Variants in TCERG1L observed in about 807,000 individuals in gnomAD.
TCERG1L encodes the protein transcription elongation regulator 1-like protein.
Under a neutral mutation model 56.3 loss-of-function variants are expected in TCERG1L, and 37 were observed. The ratio of observed to expected loss-of-function variants is 0.66; its 90% CI spans 0.51 to 0.87. The LOEUF is 0.87. TCERG1L is among the 40% of genes least tolerant of loss of function. TCERG1L has a pLI of 0.00. For missense variants in TCERG1L, 799 were observed against 774.2 expected (o/e 1.03, Z -0.38); for synonymous variants, 324 against 326.3 (o/e 0.99, Z 0.08).
rs1484048428 is a variant in TCERG1L, at chr10:131,163,224, G to A, written c.946-14C>T. On this transcript the variant is annotated splice_polypyrimidine_tract_variant and intron_variant, in intron 5 of 11. Transcript: ENST00000368642. ...CGGTGGAGGCTCCTTTCAACAGAAA[G>A]AGACAGGGGAGTGGCTTTTAATTTT... The A allele has an allele frequency of 4.7e-6, 7 of 1,504,880 alleles. No individual in the cohort carries two copies. The highest frequency in any genetic ancestry group is 4.4e-6 in the Non-Finnish European group (5 of 1,129,520). The allele number at this position is 1,504,880 out of a possible 1,614,324, so 93.2% of individuals were successfully genotyped here.
chr10:131,285,835 T>G (rs1414357276), intron 3 of TCERG1L, among the ~76,000 whole-genome samples: 1 of 152,136 alleles, frequency 6.6e-6, no homozygotes, highest in Non-Finnish European at 1.5e-5. Flanking sequence ...AATTCATCCC[T>G]AAAATATTAT....
intron 4 of TCERG1L, among the ~76,000 whole-genome samples, chr10:131,206,461 G>A (rs929936950): frequency 1.3e-5 from 2 of 152,184 alleles, no homozygotes; most frequent in Admixed American, 1.3e-4. Context: ...TCAAAGGAAG[G>A]GGCACGAGGA....
At chr10:131,136,025 C>T (rs1222838957) in intron 7 of TCERG1L, among the ~76,000 whole-genome samples, 1 of 152,202 alleles carries the variant, frequency 6.6e-6, no homozygotes, top group African/African-American at 2.4e-5. Flanking sequence ...AGGCGTCTCT[C>T]AGCCTCCTTG....
At chr10:131,197,614 T>C (rs1845380532) in intron 4 of TCERG1L, among the ~76,000 whole-genome samples, 1 of 152,146 alleles carries the variant, frequency 6.6e-6, no homozygotes, top group African/African-American at 2.4e-5. Context: ...AATTTTTCAT[T>C]ATATCCCAGT....
Position 131,260,718 on chromosome 10 carries a change from C to A in TCERG1L, c.671-274G>T, listed in dbSNP as rs538375903. 1.3e-5 allele frequency among the ~76,000 whole-genome samples: 2 copies of A among 152,302 alleles called. No homozygotes were observed. Among genetic ancestry groups the A allele is most frequent in the South Asian group, 2.1e-4 (1 of 4,820 alleles). On this transcript the variant is annotated intron_variant, in intron 3 of 11. Transcript: ENST00000368642. The surrounding 1 kb of genome is among the most constrained non-coding windows in gnomAD (Gnocchi z 5.8). ...GGCTTACAGTCACCAGGGGACGAGC[C>A]AGGACCCGGGTGCCTTAAAGAGAAA...
At chr10:131,111,080 G>A (rs1272480629) in intron 9 of TCERG1L, among the ~76,000 whole-genome samples, 1 of 143,688 alleles carries the variant, frequency 7.0e-6, no homozygotes, top group Non-Finnish European at 1.6e-5. Flanking sequence ...GGCACCTGCC[G>A]AGTCCTGAAC....
intron 4 of TCERG1L, among the ~76,000 whole-genome samples, chr10:131,215,707 T>C (rs1845663302): frequency 6.6e-6 from 1 of 152,182 alleles, no homozygotes; most frequent in South Asian, 2.1e-4. Flanking sequence ...GTCAGCCCTC[T>C]GGAGCTTTAG....
intron 4 of TCERG1L, among the ~76,000 whole-genome samples, chr10:131,204,866 A>G (rs986317801): frequency 1.3e-5 from 2 of 152,174 alleles, no homozygotes; most frequent in African/African-American, 4.8e-5. Flanking sequence ...GGGATCCTTG[A>G]TGGAGGTTCA....
At chr10:131,237,825 C>T (rs1232191196) in intron 4 of TCERG1L, among the ~76,000 whole-genome samples, 5 of 152,188 alleles carry the variant, frequency 3.3e-5, no homozygotes, top group African/African-American at 4.8e-5. Flanking sequence ...CCCGGTAACA[C>T]CTAATGGGTT....
In TCERG1L at chr10:131,277,030, G is replaced by A. The variant is rs373836243; in HGVS notation, c.671-16586C>T. ...ATGTCAATATGACATAGCAAGACGC[G>A]ATCATGCCTGTCCTTGCAGAACTGC... On this transcript the variant is annotated intron_variant, in intron 3 of 11. Coordinates refer to ENST00000368642, the MANE Select transcript of TCERG1L (RefSeq NM_174937.4). Among the ~76,000 whole-genome samples, 126 of 152,312 alleles carry A rather than the reference G, an allele frequency of 8.3e-4. No homozygotes were observed. In the East Asian group the frequency reaches 8.9e-3, roughly 11 times the overall value.
intron 6 of TCERG1L, among the ~76,000 whole-genome samples, chr10:131,148,862 CCT>C (rs1319999557): frequency 6.6e-6 from 1 of 152,200 alleles, no homozygotes; most frequent in East Asian, 1.9e-4. Flanking sequence ...TCGCTGGAGC[CCT>C]GAGTCTGTGG....
At chr10:131,179,124 C>A (rs575494845) in intron 4 of TCERG1L, among the ~76,000 whole-genome samples, 1 of 152,220 alleles carries the variant, frequency 6.6e-6, no homozygotes, top group Non-Finnish European at 1.5e-5. Context: ...GCTCTCTCCA[C>A]GGGCTGCAGA....
At chr10:131,173,323 T>C (rs1846112004) in intron 4 of TCERG1L, among the ~76,000 whole-genome samples, 1 of 152,246 alleles carries the variant, frequency 6.6e-6, no homozygotes, top group African/African-American at 2.4e-5. Flanking sequence ...GAGCATTTTC[T>C]AGATTATAAA....
intron 4 of TCERG1L, among the ~76,000 whole-genome samples, chr10:131,241,542 G>A (rs1035441743): frequency 2.2e-4 from 33 of 151,882 alleles, no homozygotes; most frequent in African/African-American, 6.8e-4. Context: ...AGTGGATAGC[G>A]CAATATAAAA....
intron 7 of TCERG1L, among the ~76,000 whole-genome samples, chr10:131,143,861 T>C (rs1443636088): frequency 1.3e-5 from 2 of 152,224 alleles, no homozygotes; most frequent in African/African-American, 2.4e-5. Context: ...AAAATCTGGA[T>C]GCACCGCAAG....
Position 131,234,981 on chromosome 10 carries a change from C to T in TCERG1L, c.856+25278G>A, listed in dbSNP as rs765454405. On this transcript the variant is annotated intron_variant, in intron 4 of 11. Coordinates refer to ENST00000368642, the MANE Select transcript of TCERG1L (RefSeq NM_174937.4). The stretch of plus-strand genomic sequence containing the variant: ...CCTCCCAAAGTGGTGGGATTACAGG[C>T]GTGAGCCACCGTGCTCAGCTGGATA... 3.9e-5 allele frequency among the ~76,000 whole-genome samples: 6 copies of T among 152,170 alleles called. No homozygotes were observed. In the East Asian group the frequency reaches 5.8e-4, roughly 15 times the overall value.
Position 131,260,973 on chromosome 10 carries a change from G to C in TCERG1L, c.671-529C>G, listed in dbSNP as rs11017849. Reference sequence around the variant, plus strand: ...GCGGAGAGGTTTCCAGAGGGCACCAGGCTCAGCCGGGCCCTGCAGGGAGAG... The same window carrying C: ...GCGGAGAGGTTTCCAGAGGGCACCACGCTCAGCCGGGCCCTGCAGGGAGAG... On this transcript the variant is annotated intron_variant, in intron 3 of 11. Transcript: ENST00000368642. This position sits in a 1 kb window ranked among gnomAD's most constrained non-coding sequence, Gnocchi z 5.8. 0.036 allele frequency among the ~76,000 whole-genome samples: 5,487 copies of C among 152,204 alleles called. 156 individuals are homozygous for C. The highest frequency in any genetic ancestry group is 0.065 in the Middle Eastern group (19 of 292).
chr10:131,169,304 T>TA (rs56222827), intron 4 of TCERG1L, among the ~76,000 whole-genome samples: 64,081 of 151,444 alleles, frequency 0.42, 16,017 homozygotes, highest in East Asian at 0.69. Flanking sequence ...GAACCCTCAT[T>TA]AAAAAACCCA....
chr10:131,180,964 C>T (rs1845168983), intron 4 of TCERG1L, among the ~76,000 whole-genome samples: 1 of 152,192 alleles, frequency 6.6e-6, no homozygotes, highest in Non-Finnish European at 1.5e-5. Context: ...AAGTCGCATC[C>T]CTGGTGTCTG....
Sources: allele counts gnomAD v4.1 joint callset (sites outside exome capture counted in the v4.1 genomes callset), GRCh38; gene constraint gnomAD v4.1.1; non-coding constraint Gnocchi (gnomAD v3.1); transcripts MANE v1.5; gene names NCBI Gene and HGNC (gene_info 2026-07-23, HGNC 2026-07-21).